C8orf34: variants seen among roughly 807,000 people sequenced by gnomAD.
C8orf34 encodes the protein uncharacterized protein C8orf34.
C8orf34 carries 65 observed loss-of-function variants against 68.3 expected under a neutral mutation model. The observed-to-expected ratio is 0.95, with a 90% CI of 0.78 to 1.17. C8orf34 has a LOEUF of 1.17. C8orf34 is among the 50% of genes most tolerant of loss of function. The pLI is 0.00. For synonymous variants in C8orf34, 244 were observed against 241.2 expected (o/e 1.01, Z -0.11); for missense variants, 664 against 655.4 (o/e 1.01, Z -0.14).
chr8:68,385,627 G>T (rs918260342), intron 1 of C8orf34, among the ~76,000 whole-genome samples: 1 of 152,166 alleles, frequency 6.6e-6, no homozygotes, highest in Admixed American at 6.6e-5. Context: ...TCACAGATAA[G>T]ATCCATGTAG....
intron 7 of C8orf34, among the ~76,000 whole-genome samples, chr8:68,599,235 A>T (rs548850553): frequency 6.6e-6 from 1 of 152,192 alleles, no homozygotes; most frequent in Non-Finnish European, 1.5e-5. Context: ...ATTAAAGAGG[A>T]CTTAAATAAT....
intron 7 of C8orf34, among the ~76,000 whole-genome samples, chr8:68,558,320 A>G (rs562667381): frequency 6.6e-6 from 1 of 152,212 alleles, no homozygotes; most frequent in South Asian, 2.1e-4. Flanking sequence ...TTTTGAATCT[A>G]ACTTTGATTA....
intron 6 of C8orf34, chr8:68,525,605 A>G (rs1814941275): frequency 3.5e-6 from 3 of 852,670 alleles, no homozygotes; most frequent in African/African-American, 3.3e-5. Flanking sequence ...TGTCAGTACA[A>G]TGAAACCGAA....
chr8:68,357,850 G>A (rs918062985), intron 1 of C8orf34, among the ~76,000 whole-genome samples: 2 of 152,130 alleles, frequency 1.3e-5, no homozygotes, highest in Admixed American at 6.6e-5. Flanking sequence ...TATTTACGTA[G>A]ATATTTTGAA....
chr8:68,739,902 A>T (rs1283421540), intron 10 of C8orf34, among the ~76,000 whole-genome samples: 1 of 152,200 alleles, frequency 6.6e-6, no homozygotes, highest in Non-Finnish European at 1.5e-5. Context: ...TGGTACTGGT[A>T]CAAAAACAGA....
At chr8:68,343,632 C>T (rs1043735666) in intron 1 of C8orf34, among the ~76,000 whole-genome samples, 7 of 151,090 alleles carry the variant, frequency 4.6e-5, no homozygotes, top group South Asian at 4.2e-4. Flanking sequence ...CTCGCTCTGC[C>T]GCCCAGGCTG....
At chr8:68,704,193 T>C (rs949564668) in intron 8 of C8orf34, among the ~76,000 whole-genome samples, 2 of 152,098 alleles carry the variant, frequency 1.3e-5, no homozygotes, top group African/African-American at 4.8e-5. Context: ...AATAATTCAG[T>C]CACAGTTGAA....
At chr8:68,572,205 G>A (rs543680134) in intron 7 of C8orf34, among the ~76,000 whole-genome samples, 1 of 150,772 alleles carries the variant, frequency 6.6e-6, no homozygotes, top group African/African-American at 2.5e-5. Context: ...TGACTGAAAC[G>A]TTATGTGGAT....
rs528703608 is a variant in C8orf34 at position 68,553,228 on chromosome 8, A to G, written c.1105+20079A>G. Among the ~76,000 whole-genome samples the G allele has an allele frequency of 7.2e-4, 109 of 151,836 alleles. 1 individual carries two copies. Among genetic ancestry groups the G allele is most frequent in the African/African-American group, 2.5e-3 (102 of 41,408 alleles). ...GTGAAATCCTGTCTCTACTAAAAAT[A>G]CAAACAATTAGCCGGGCATGGTGGC... is the stretch of plus-strand genomic sequence containing the variant. On this transcript the variant is annotated intron_variant, in intron 7 of 13. Coordinates refer to ENST00000518698, the MANE Select transcript of C8orf34 (RefSeq NM_052958.4).
chr8:68,818,305 G>GTA lies in C8orf34; in HGVS notation c.*62_*63dup, dbSNP rs1824881367. 1 of 1,541,658 alleles carries GTA rather than the reference G, an allele frequency of 6.5e-7. No individual in the cohort carries two copies. The highest frequency in any genetic ancestry group is 1.4e-5 in the African/African-American group (1 of 73,056). ...GAAATGCAGTTATTCAAATCCTTAT[G>GTA]TATAGTTCTAATTTTATTTACTATG... On this transcript the variant is annotated 3_prime_UTR_variant, in exon 14 of 14. Transcript: ENST00000518698.
rs1033814361 is a variant in C8orf34 at position 68,505,657 on chromosome 8, G to T, written c.766-16142G>T. Among the ~76,000 whole-genome samples the T allele has an allele frequency of 1.9e-5, 2 of 102,688 alleles. 1 individual carries two copies. The highest frequency in any genetic ancestry group is 1.5e-4 in the African/African-American group (2 of 13,580). The allele number at this position is 102,688 out of a possible 152,430, so 67.4% of individuals were successfully genotyped here. A position where few individuals can be genotyped will look rare whatever the true frequency, so the allele number is the denominator to read the frequency against. ...GAGGCAGGAGAATGGCGTGAACCCGGGAAGCGGAGCTTGCCGTGAGCCGAG... is the reference window on the plus strand; with the variant it reads ...GAGGCAGGAGAATGGCGTGAACCCGTGAAGCGGAGCTTGCCGTGAGCCGAG... On this transcript the variant is annotated intron_variant, in intron 5 of 13. Transcript: ENST00000518698.
chr8:68,405,719 A>T (rs1809163345), intron 1 of C8orf34, among the ~76,000 whole-genome samples: 2 of 152,204 alleles, frequency 1.3e-5, no homozygotes. Flanking sequence ...TACCACTATT[A>T]AAAAACTAAC....
chr8:68,790,727 G>A, intron 12 of C8orf34: 1 of 542,426 alleles, frequency 1.8e-6, no homozygotes, highest in Non-Finnish European at 3.3e-6. Flanking sequence ...TCAGATTATG[G>A]TCTGAAGTCA....
Position 68,521,899 on chromosome 8 carries a change from T to C in C8orf34, c.866T>C (p.Leu289Pro). 6.2e-7 allele frequency: 1 copy of C among 1,614,174 alleles called. No individual in the cohort carries two copies. Among genetic ancestry groups the C allele is most frequent in the Non-Finnish European group, 8.5e-7 (1 of 1,180,018 alleles). The change falls in exon 6 of 14, where the codon CTA (leucine) becomes CCA (proline). Residue 289 changes from leucine (L) to proline (P), a missense_variant. By Grantham distance (98) the Leu-to-Pro change is moderately conservative (BLOSUM62 -3). Transcript: ENST00000518698. Reference sequence around the variant, plus strand: ...GCTGATCCCCTAGCTGCTGAAATGCTACAGCCTCCAATTCCAAGAAGCAAA... The same window carrying C: ...GCTGATCCCCTAGCTGCTGAAATGCCACAGCCTCCAATTCCAAGAAGCAAA... Reference protein sequence around the residue: ...NDADPLAAEMLQPPIPRSKND... With the variant: ...NDADPLAAEMPQPPIPRSKND...
chr8:68,603,402 T>A (rs904047226), intron 7 of C8orf34, among the ~76,000 whole-genome samples: 1 of 152,140 alleles, frequency 6.6e-6, no homozygotes, highest in East Asian at 1.9e-4. Flanking sequence ...ATTCATAATA[T>A]CTTCATTTAT....
At chr8:68,603,962 AG>A (rs1817780351) in intron 7 of C8orf34, among the ~76,000 whole-genome samples, 1 of 152,196 alleles carries the variant, frequency 6.6e-6, no homozygotes, top group South Asian at 2.1e-4. Flanking sequence ...TCAAATTAGA[AG>A]GCAGAAAGTG....
intron 10 of C8orf34, among the ~76,000 whole-genome samples, chr8:68,737,442 A>T (rs1822152733): frequency 6.6e-6 from 1 of 151,922 alleles, no homozygotes. Flanking sequence ...CTTTGGTAAC[A>T]GGCTAAATGC....
chr8:68,446,442 T>G lies in C8orf34; in HGVS notation c.589T>G (p.Ser197Ala). The change falls in exon 3 of 14, where the codon TCA becomes GCA. Residue 197 changes from serine (S) to alanine (A), a missense_variant. Ser to Ala is a moderately conservative substitution (Grantham distance 99, BLOSUM62 1). Transcript: ENST00000518698. ...DLAVSNISPP[S>A]PDSKSLPRSV... ...TGCTGTGTCTAATATTTCTCCACCA[T>G]CACCGGACTCCAAATCATGTAAGGA... The G allele has an allele frequency of 6.2e-7, 1 of 1,612,614 alleles. No individual in the cohort carries two copies. Among genetic ancestry groups the G allele is most frequent in the African/African-American group, 1.3e-5 (1 of 74,992 alleles).
At chr8:68,617,580 A>G (rs963765609) in intron 7 of C8orf34, among the ~76,000 whole-genome samples, 2 of 152,140 alleles carry the variant, frequency 1.3e-5, no homozygotes, top group Admixed American at 1.3e-4. Flanking sequence ...CTGGGTTGAA[A>G]ATTCTTTTCT....
Sources: gnomAD v4.1 joint callset for allele counts (sites outside exome capture counted in the v4.1 genomes callset) on GRCh38, gnomAD v4.1.1 for gene constraint, MANE v1.5 for transcripts, NCBI Gene and HGNC (gene_info 2026-07-23, HGNC 2026-07-21) for gene names.